Variants in FRMPD3 observed in about 807,000 individuals in gnomAD.
The protein encoded by FRMPD3 is FERM and PDZ domain containing 3.
In FRMPD3, 42 loss-of-function variants were observed where a neutral mutation model predicts 97.9. The observed-to-expected ratio is 0.43, with a 90% CI of 0.34 to 0.55. The LOEUF (loss-of-function observed/expected upper bound fraction) is 0.55. Among genes scored for constraint, FRMPD3 ranks in the 20% least tolerant of loss-of-function variants. The pLI is 0.03. For synonymous variants in FRMPD3, 577 were observed against 581.1 expected (o/e 0.99, Z 0.10); for missense variants, 1,303 against 1,457.7 (o/e 0.89, Z 1.73).
chrX:107,467,649 T>C (rs1003764911), intron 1 of FRMPD3, among the ~76,000 whole-genome samples: 2 of 110,925 alleles, frequency 1.8e-5, no homozygotes, highest in Non-Finnish European at 3.8e-5. Context: ...AATGGGTTTT[T>C]CCCCCTCTCT....
rs1431777591 is a variant in FRMPD3, at chrX:107,449,975, G to A, written c.-38G>A. Among the ~76,000 whole-genome samples, 1 of 110,830 alleles carries A rather than the reference G, an allele frequency of 9.0e-6. No homozygotes were observed. Among genetic ancestry groups the A allele is most frequent in the African/African-American group, 3.2e-5 (1 of 30,874 alleles). On this transcript the variant is annotated 5_prime_UTR_variant, in exon 1 of 15. Coordinates refer to ENST00000683843, the MANE Select transcript of FRMPD3 (RefSeq NM_001388459.1). The stretch of plus-strand genomic sequence containing the variant: ...GGCGGAGGAGGAGGAGGAGGAGGAG[G>A]AAGAGGAGGAGGAAGAGGAGGGGGA...
chrX:107,559,548 T>A (rs1276740495), intron 8 of FRMPD3, among the ~76,000 whole-genome samples: 7 of 111,791 alleles, frequency 6.3e-5, no homozygotes, highest in Non-Finnish European at 1.3e-4. Flanking sequence ...TATATTATAG[T>A]GATATCACTG....
At chrX:107,517,760 A>G (rs769211034) in intron 1 of FRMPD3, among the ~76,000 whole-genome samples, 10 of 87,597 alleles carry the variant, frequency 1.1e-4, no homozygotes, top group East Asian at 6.5e-4. Flanking sequence ...AAACTCTGGG[A>G]AAAAAAAAAA....
intron 1 of FRMPD3, among the ~76,000 whole-genome samples, chrX:107,468,872 AC>A (rs1455088110): frequency 8.9e-6 from 1 of 112,657 alleles, no homozygotes; most frequent in Non-Finnish European, 1.9e-5. Flanking sequence ...ATTTCACACA[AC>A]CACTGTAAGA....
At chrX:107,558,913 G>A (rs1050083132) in intron 8 of FRMPD3, among the ~76,000 whole-genome samples, 3 of 110,661 alleles carry the variant, frequency 2.7e-5, no homozygotes, top group Non-Finnish European at 5.7e-5. Context: ...TCAAACTCCT[G>A]ACCTCAAGTG....
intron 1 of FRMPD3, among the ~76,000 whole-genome samples, chrX:107,458,377 G>A (rs1931412762): frequency 8.9e-6 from 1 of 112,426 alleles, no homozygotes. Flanking sequence ...TAAACAGTAA[G>A]CACTGTAGGG....
At position 107,602,399 on chromosome X, in the gene FRMPD3, G is replaced by A. The variant is rs752020385; in HGVS notation, c.4360G>A (p.Val1454Ile). The change falls in exon 15 of 15, where the codon GTC becomes ATC. Residue 1454 changes from valine to isoleucine, a missense_variant. Physicochemically the swap from Val to Ile is conservative, Grantham distance 29 (BLOSUM62 3). Around this residue, in one of 3 missense-constraint regions of FRMPD3, gnomAD observed 764 missense variants for 820.2 expected, o/e 0.93. Coordinates refer to ENST00000683843, the MANE Select transcript of FRMPD3 (RefSeq NM_001388459.1). ...ACCGACGCTGGGAGACCCCTCCTAC[G>A]TCCAGGTTGCCCCAGAGACCAAAGG... ...ESPTLGDPSY[V>I]QVAPETKGPR... 13 of 1,208,796 alleles carry A rather than the reference G, an allele frequency of 1.1e-5. No individual in the cohort carries two copies. The Admixed American group carries it at 1.3e-4, about 12-fold the overall frequency.
intron 1 of FRMPD3, among the ~76,000 whole-genome samples, chrX:107,498,346 G>A (rs777184768): frequency 2.1e-4 from 24 of 112,148 alleles, no homozygotes; most frequent in Non-Finnish European, 4.3e-4. Flanking sequence ...GGGCTGAGGG[G>A]CTTCCATGGC....
intron 1 of FRMPD3, among the ~76,000 whole-genome samples, chrX:107,476,916 C>T (rs1921214423): frequency 8.9e-6 from 1 of 112,476 alleles, no homozygotes; most frequent in Non-Finnish European, 1.9e-5. Flanking sequence ...AGCTCAGTCC[C>T]TTCCCTCATC....
chrX:107,503,879 T>C (rs776407113), intron 1 of FRMPD3, among the ~76,000 whole-genome samples: 1 of 111,061 alleles, frequency 9.0e-6, no homozygotes, highest in African/African-American at 3.3e-5. Context: ...AAGGAAGGAG[T>C]ATTTGATACG....
intron 1 of FRMPD3, among the ~76,000 whole-genome samples, chrX:107,517,759 G>GAAA (rs1322646104): frequency 9.2e-4 from 67 of 73,147 alleles, no homozygotes; most frequent in African/African-American, 3.2e-3. Context: ...GAAACTCTGG[G>GAAA]AAAAAAAAAA....
intron 1 of FRMPD3, among the ~76,000 whole-genome samples, chrX:107,519,914 G>A (rs1032837957): frequency 8.9e-6 from 1 of 111,788 alleles, no homozygotes; most frequent in Admixed American, 9.5e-5. Context: ...GGTCTGAACC[G>A]GGAAAGAAGG....
At chrX:107,518,996 C>T (rs1922428125) in intron 1 of FRMPD3, among the ~76,000 whole-genome samples, 1 of 112,078 alleles carries the variant, frequency 8.9e-6, no homozygotes, top group African/African-American at 3.2e-5. Flanking sequence ...TATGATTCCT[C>T]TTATATGAGA....
chrX:107,590,137 G>C (rs1407502148), intron 13 of FRMPD3, among the ~76,000 whole-genome samples: 1 of 112,490 alleles, frequency 8.9e-6, no homozygotes, highest in African/African-American at 3.2e-5. Flanking sequence ...CCTGGCGACA[G>C]AGCAAGACTC....
chrX:107,597,269 T>C (rs1426372140), intron 13 of FRMPD3, 52 bp from the exon 14 acceptor site: 2 of 1,054,948 alleles, frequency 1.9e-6, no homozygotes, highest in East Asian at 3.0e-5. Flanking sequence ...AGGGAGCTCA[T>C]TCACAATCCT....
chrX:107,452,180 A>G (rs1013046737), intron 1 of FRMPD3, among the ~76,000 whole-genome samples: 1 of 111,641 alleles, frequency 9.0e-6, no homozygotes, highest in East Asian at 2.8e-4. Flanking sequence ...CAGTTTGTGG[A>G]CAACCTCATC....
At chrX:107,480,891 GGAAGGAAAGAAA>G (rs1429736238) in intron 1 of FRMPD3, among the ~76,000 whole-genome samples, 2,783 of 67,638 alleles carry the variant, frequency 0.041, 59 homozygotes, top group East Asian at 0.091. Context: ...AAGGAAGGAA[GGAAGGAAAGAAA>G]GAAAGAAAGA....
At chrX:107,560,013 C>T (rs1042762863) in intron 8 of FRMPD3, among the ~76,000 whole-genome samples, 1 of 107,524 alleles carries the variant, frequency 9.3e-6, no homozygotes, top group Non-Finnish European at 1.9e-5. Context: ...CTGCTTGTAC[C>T]TTGCCATTGT....
intron 1 of FRMPD3, among the ~76,000 whole-genome samples, chrX:107,517,590 T>C (rs2147540402): frequency 9.1e-6 from 1 of 109,584 alleles, no homozygotes; most frequent in East Asian, 2.9e-4. Flanking sequence ...CAAAACCTTG[T>C]CTCTACTAAA....
Sources: gnomAD v4.1 joint callset for allele counts (sites outside exome capture counted in the v4.1 genomes callset) on GRCh38, gnomAD v4.1.1 for gene constraint, gnomAD v4.1.1 regional missense constraint, MANE v1.5 for transcripts, NCBI Gene and HGNC (gene_info 2026-07-23, HGNC 2026-07-21) for gene names.